Variants in CNTNAP5 observed in about 807,000 individuals in gnomAD.
CNTNAP5 encodes contactin associated protein family member 5, also known as contactin-associated protein-like 5.
In CNTNAP5, 72 loss-of-function variants were observed where a neutral mutation model predicts 150.2. The observed-to-expected ratio is 0.48, with a 90% CI of 0.40 to 0.58. The LOEUF (loss-of-function observed/expected upper bound fraction) is 0.58. CNTNAP5 is among the 20% of genes least tolerant of loss of function. The pLI, the probability that CNTNAP5 is intolerant of heterozygous loss-of-function variation, is 0.00. For missense variants in CNTNAP5, 1,636 were observed against 1,626.2 expected (o/e 1.01, Z -0.10); for synonymous variants, 672 against 619.8 (o/e 1.08, Z -1.25).
chr2:124,150,879 G>T (rs1684389708), intron 1 of CNTNAP5, among the ~76,000 whole-genome samples: 1 of 152,154 alleles, frequency 6.6e-6, no homozygotes, highest in Admixed American at 6.5e-5. Flanking sequence ...ATTAGAGATT[G>T]TTACTCAGCC....
chr2:124,490,505 T>C (rs985183618), intron 7 of CNTNAP5, among the ~76,000 whole-genome samples: 3 of 152,018 alleles, frequency 2.0e-5, no homozygotes, highest in African/African-American at 7.3e-5. Flanking sequence ...CTTTCCACAA[T>C]CTCTTTGAAC....
chr2:124,906,620 G>A (rs188543236), intron 22 of CNTNAP5, among the ~76,000 whole-genome samples: 5 of 152,210 alleles, frequency 3.3e-5, no homozygotes, highest in South Asian at 2.1e-4. Flanking sequence ...TGAGAAACAC[G>A]CACTCTCTTT....
intron 11 of CNTNAP5, among the ~76,000 whole-genome samples, chr2:124,570,321 A>T (rs555735767): frequency 6.6e-6 from 1 of 152,330 alleles, no homozygotes; most frequent in South Asian, 2.1e-4. Context: ...GATGAGAAAG[A>T]GGAAGAGCAC....
intron 13 of CNTNAP5, among the ~76,000 whole-genome samples, chr2:124,677,528 T>C (rs1678970869): frequency 6.6e-6 from 1 of 152,194 alleles, no homozygotes; most frequent in South Asian, 2.1e-4. Context: ...TGGTCTGTTT[T>C]TATAGAGTAC....
intron 3 of CNTNAP5, among the ~76,000 whole-genome samples, chr2:124,378,030 T>C (rs1469699201): frequency 6.6e-6 from 1 of 152,096 alleles, no homozygotes; most frequent in Non-Finnish European, 1.5e-5. Flanking sequence ...GAACTTCTAC[T>C]TACTGTGTAC....
chr2:124,500,858 G>A (rs768815280), intron 7 of CNTNAP5, among the ~76,000 whole-genome samples: 10 of 152,108 alleles, frequency 6.6e-5, no homozygotes, highest in South Asian at 6.2e-4. Context: ...TACACTTGGC[G>A]GGACCAGTGA....
At chr2:124,860,650 A>C (rs772749415) in intron 19 of CNTNAP5, among the ~76,000 whole-genome samples, 7 of 151,948 alleles carry the variant, frequency 4.6e-5, no homozygotes, top group Non-Finnish European at 8.8e-5. Flanking sequence ...AAACCCAAGA[A>C]CCAATGAGAT....
intron 5 of CNTNAP5, among the ~76,000 whole-genome samples, chr2:124,439,776 A>G (rs1692629644): frequency 6.6e-6 from 1 of 152,192 alleles, no homozygotes; most frequent in Non-Finnish European, 1.5e-5. Flanking sequence ...GGGTACCTTT[A>G]CAATACTGGC....
intron 1 of CNTNAP5, among the ~76,000 whole-genome samples, chr2:124,208,773 G>T (rs1243372314): frequency 6.6e-6 from 1 of 152,104 alleles, no homozygotes; most frequent in African/African-American, 2.4e-5. Flanking sequence ...AAACATTCTC[G>T]TGTTACAACA....
intron 3 of CNTNAP5, among the ~76,000 whole-genome samples, chr2:124,247,952 C>T (rs542347689): frequency 6.6e-6 from 1 of 152,250 alleles, no homozygotes; most frequent in Admixed American, 6.5e-5. Flanking sequence ...TTCTCTCACG[C>T]ACATATACTA....
rs1460200344 is a variant in CNTNAP5, at chr2:124,920,134, A to G, written c.*5846A>G. Among the ~76,000 whole-genome samples the G allele has an allele frequency of 2.0e-5, 3 of 152,136 alleles. No individual in the cohort carries two copies. The highest frequency in any genetic ancestry group is 4.4e-5 in the Non-Finnish European group (3 of 68,028). On this transcript the variant is annotated 3_prime_UTR_variant, in exon 24 of 24. Coordinates refer to ENST00000682447, the MANE Select transcript of CNTNAP5 (RefSeq NM_001367498.1). ...ACCCTTTATAAAATAGGACAAAATT[A>G]GGAGATTAGTCCCAAGCCAAGACCA...
At chr2:124,723,214 G>C (rs1157906334) in intron 13 of CNTNAP5, among the ~76,000 whole-genome samples, 1 of 152,166 alleles carries the variant, frequency 6.6e-6, no homozygotes. Flanking sequence ...AGCTTTGACA[G>C]TTTGTGTAGA....
chr2:124,264,385 CACA>C (rs1558825573), intron 3 of CNTNAP5, among the ~76,000 whole-genome samples: 6 of 68,624 alleles, frequency 8.7e-5, no homozygotes, highest in African/African-American at 2.5e-4. Flanking sequence ...CACACACACA[CACA>C]TACACACACA....
chr2:124,724,605 T>C (rs1234594372), intron 13 of CNTNAP5, among the ~76,000 whole-genome samples: 1 of 152,096 alleles, frequency 6.6e-6, no homozygotes, highest in Non-Finnish European at 1.5e-5. Flanking sequence ...TCCAGCTTTC[T>C]CCCTCTCTCC....
intron 16 of CNTNAP5, among the ~76,000 whole-genome samples, chr2:124,765,506 A>G (rs1312809024): frequency 6.6e-6 from 1 of 152,132 alleles, no homozygotes; most frequent in Non-Finnish European, 1.5e-5. Context: ...TTAGAAGACA[A>G]TGGTAAATCT....
At chr2:124,352,896 A>C (rs1018659845) in intron 3 of CNTNAP5, among the ~76,000 whole-genome samples, 2 of 152,202 alleles carry the variant, frequency 1.3e-5, no homozygotes, top group African/African-American at 4.8e-5. Context: ...TACTGAACTC[A>C]TAAAATGCTT....
intron 13 of CNTNAP5, among the ~76,000 whole-genome samples, chr2:124,744,792 C>T (rs958748342): frequency 6.6e-6 from 1 of 152,158 alleles, no homozygotes; most frequent in African/African-American, 2.4e-5. Flanking sequence ...AGCATCAAGA[C>T]TTGAGGCGAG....
intron 19 of CNTNAP5, among the ~76,000 whole-genome samples, chr2:124,851,888 G>C (rs1198362054): frequency 6.6e-6 from 1 of 152,172 alleles, no homozygotes; most frequent in Non-Finnish European, 1.5e-5. Flanking sequence ...CAAAAGTAGG[G>C]TAAGCAGGCA....
Position 124,578,156 on chromosome 2 carries a change from CAAAAAAAAA to C in CNTNAP5, c.1756+14849_1756+14857del, listed in dbSNP as rs556786620. Among the ~76,000 whole-genome samples the C allele has an allele frequency of 3.6e-3, 247 of 69,472 alleles. 4 individuals carry two copies. Among genetic ancestry groups the C allele is most frequent in the African/African-American group, 0.013 (232 of 18,082 alleles). The allele number at this position is 69,472 out of a possible 152,430, so 45.6% of individuals were successfully genotyped here. A position where few individuals can be genotyped will look rare whatever the true frequency, so the allele number is the denominator to read the frequency against. On this transcript the variant is annotated intron_variant, in intron 11 of 23. Transcript: ENST00000682447. ...GAAACCTCCGTCTCCACTAAAAATACAAAAAAAAAAAAAAAAAAAAAAAATTAGCCGGGC... is the reference window on the plus strand; with the variant it reads ...GAAACCTCCGTCTCCACTAAAAATACAAAAAAAAAAAAAAATTAGCCGGGC...
Sources: gnomAD v4.1 joint callset for allele counts (sites outside exome capture counted in the v4.1 genomes callset) on GRCh38, gnomAD v4.1.1 for gene constraint, MANE v1.5 for transcripts, NCBI Gene and HGNC (gene_info 2026-07-23, HGNC 2026-07-21) for gene names.